The following PCDH15 variants were observed in gnomAD, a reference collection of about 807,000 sequenced individuals.
The protein encoded by PCDH15 is protocadherin related 15.
Under a neutral mutation model 178.5 loss-of-function variants are expected in PCDH15, and 129 were observed. That is an observed-to-expected ratio of 0.72 (90% confidence interval 0.63 to 0.84). The LOEUF (loss-of-function observed/expected upper bound fraction) is 0.84. Among genes scored for constraint, PCDH15 ranks in the 40% least tolerant of loss-of-function variants. The pLI is 0.00. For synonymous variants in PCDH15, 800 were observed against 732.0 expected, an observed-to-expected ratio of 1.09 and a Z score of -1.50; for missense variants, 2,230 against 2,099.9, an observed-to-expected ratio of 1.06 and a Z score of -1.21.
intron 27 of PCDH15, among the ~76,000 whole-genome samples, chr10:53,860,327 T>A (rs2079020238): frequency 6.6e-6 from 1 of 152,250 alleles, no homozygotes; most frequent in Admixed American, 6.5e-5. Context: ...AGTGGAGCCA[T>A]ATGATGGAGT....
intron 2 of PCDH15, among the ~76,000 whole-genome samples, chr10:55,569,731 A>C (rs1248685993): frequency 1.3e-5 from 2 of 152,062 alleles, no homozygotes. Flanking sequence ...CAGAAATAAG[A>C]AAACGTAAAG....
At chr10:55,588,771 T>C (rs2132128745) in intron 2 of PCDH15, among the ~76,000 whole-genome samples, 1 of 152,066 alleles carries the variant, frequency 6.6e-6, no homozygotes, top group African/African-American at 2.4e-5. Flanking sequence ...CTAGCAACAC[T>C]ATGAAAAACT....
intron 13 of PCDH15, among the ~76,000 whole-genome samples, chr10:54,164,864 T>C (rs1159489344): frequency 6.6e-6 from 1 of 152,172 alleles, no homozygotes; most frequent in Non-Finnish European, 1.5e-5. Context: ...AGAAGCTATA[T>C]TGTTGCCTGC....
At chr10:54,509,889 A>G (rs1438151849) in intron 3 of PCDH15, among the ~76,000 whole-genome samples, 1 of 152,166 alleles carries the variant, frequency 6.6e-6, no homozygotes, top group Non-Finnish European at 1.5e-5. Flanking sequence ...ATGTGTTCAC[A>G]TATGTCTTCG....
intron 2 of PCDH15, among the ~76,000 whole-genome samples, chr10:55,053,707 G>A (rs1301548792): frequency 1.3e-5 from 2 of 152,158 alleles, no homozygotes; most frequent in Non-Finnish European, 2.9e-5. Flanking sequence ...TTATGTGCAA[G>A]TACAGGTCAT....
chr10:55,124,692 T>C (rs1408472515), intron 2 of PCDH15, among the ~76,000 whole-genome samples: 1 of 152,140 alleles, frequency 6.6e-6, no homozygotes, highest in Non-Finnish European at 1.5e-5. Flanking sequence ...GGACCTTGAA[T>C]AATACTAGAA....
intron 21 of PCDH15, among the ~76,000 whole-genome samples, chr10:53,977,732 C>T (rs1353343838): frequency 6.6e-6 from 1 of 152,128 alleles, no homozygotes; most frequent in East Asian, 1.9e-4. Context: ...GTACCTTCTG[C>T]TTATGAGCCT....
At chr10:54,443,579 A>C (rs1452035806) in intron 3 of PCDH15, among the ~76,000 whole-genome samples, 1 of 151,744 alleles carries the variant, frequency 6.6e-6, no homozygotes, top group Non-Finnish European at 1.5e-5. Flanking sequence ...GCACCTGTAA[A>C]TAGAGGATCC....
upstream of PCDH15, among the ~76,000 whole-genome samples, chr10:54,803,376 C>T (rs1201880883): frequency 2.0e-5 from 3 of 152,030 alleles, no homozygotes; most frequent in African/African-American, 4.8e-5. Flanking sequence ...TGGTTTAAGA[C>T]GCTTAACTTT....
intron 21 of PCDH15, among the ~76,000 whole-genome samples, chr10:53,986,222 T>C (rs2091091487): frequency 6.6e-6 from 1 of 151,990 alleles, no homozygotes; most frequent in African/African-American, 2.4e-5. Context: ...TACATAAAAA[T>C]GTGCTCAACA....
intron 1 of PCDH15, among the ~76,000 whole-genome samples, chr10:54,747,858 T>G (rs1244779308): frequency 6.8e-6 from 1 of 146,296 alleles, no homozygotes; most frequent in Non-Finnish European, 1.5e-5. Flanking sequence ...CAAGCTGGAG[T>G]GCAGTGGCGT....
At chr10:53,876,586 G>A (rs975694860) in intron 26 of PCDH15, among the ~76,000 whole-genome samples, 3 of 151,150 alleles carry the variant, frequency 2.0e-5, no homozygotes, top group Non-Finnish European at 4.4e-5. Context: ...AAAATGTCAG[G>A]TAGATTGATC....
chr10:55,274,439 A>G (rs752534113), intron 1 of PCDH15, among the ~76,000 whole-genome samples: 3 of 152,082 alleles, frequency 2.0e-5, no homozygotes, highest in Non-Finnish European at 4.4e-5. Context: ...ATTTGTCTAC[A>G]TATCTTTCCC....
chr10:54,623,464 G>A (rs1380422376), intron 2 of PCDH15, among the ~76,000 whole-genome samples: 1 of 151,874 alleles, frequency 6.6e-6, no homozygotes, highest in East Asian at 1.9e-4. Flanking sequence ...AGGATTAAGT[G>A]GATTTTTATA....
At chr10:53,961,352 AAAAG>A (rs2088290833) in intron 22 of PCDH15, among the ~76,000 whole-genome samples, 1 of 152,062 alleles carries the variant, frequency 6.6e-6, no homozygotes, top group African/African-American at 2.4e-5. Context: ...TATTATATTA[AAAAG>A]AAAAACAAAA....
intron 3 of PCDH15, among the ~76,000 whole-genome samples, chr10:54,855,057 C>G (rs532167755): frequency 6.6e-6 from 1 of 152,334 alleles, no homozygotes; most frequent in South Asian, 2.1e-4. Context: ...CTGCAGGGGG[C>G]TGGCATGTCA....
intron 21 of PCDH15, among the ~76,000 whole-genome samples, chr10:53,973,931 G>C (rs2660173): frequency 0.72 from 109,838 of 152,008 alleles, 40,044 homozygotes; most frequent in East Asian, 0.95. Flanking sequence ...TTACAGGAAG[G>C]TTACTAAATC....
intron 2 of PCDH15, among the ~76,000 whole-genome samples, chr10:55,484,097 C>T (rs1042010905): frequency 1.3e-5 from 2 of 151,654 alleles, no homozygotes; most frequent in African/African-American, 2.4e-5. Context: ...TGATGAGACA[C>T]ATGGACACTG....
rs755468729 is a variant in PCDH15 at position 53,959,770 on chromosome 10, A to G, written c.3084T>C (p.His1028=). The G allele has an allele frequency of 6.2e-7, 1 of 1,614,060 alleles. No homozygotes were observed. Among genetic ancestry groups the G allele is most frequent in the South Asian group, 1.1e-5 (1 of 91,084 alleles). ...SSATVKILVL[H]PGEIPRFTQE... Reference sequence around the variant, plus strand: ...GTGTGAAGCGTGGGATCTCACCAGGATGTAAGACAAGAATCTTCACTGTGG... The same window carrying G: ...GTGTGAAGCGTGGGATCTCACCAGGGTGTAAGACAAGAATCTTCACTGTGG... The change falls in exon 23 of 38, where the codon CAT becomes CAC. Residue 1028 remains histidine (H), a synonymous_variant. Coordinates refer to ENST00000644397, the MANE Select transcript of PCDH15 (RefSeq NM_001384140.1).
Sources: gnomAD v4.1 joint callset for allele counts (sites outside exome capture counted in the v4.1 genomes callset) on GRCh38, gnomAD v4.1.1 for gene constraint, MANE v1.5 for transcripts, NCBI Gene and HGNC (gene_info 2026-07-23, HGNC 2026-07-21) for gene names.